PCLO: variants seen among roughly 807,000 people sequenced by gnomAD.
PCLO encodes protein piccolo.
PCLO carries 82 observed loss-of-function variants against 427.5 expected under a neutral mutation model. The ratio of observed to expected loss-of-function variants is 0.19; its 90% CI spans 0.16 to 0.23. The LOEUF is 0.23. Among genes scored for constraint, PCLO ranks in the 10% least tolerant of loss-of-function variants. PCLO has a pLI of 1.00. For missense variants in PCLO, 6,239 were observed against 6,115.9 expected, an observed-to-expected ratio of 1.02 and a Z score of -0.67; for synonymous variants, 2,357 against 2,155.4, an observed-to-expected ratio of 1.09 and a Z score of -2.59.
intron 20 of PCLO, among the ~76,000 whole-genome samples, chr7:82,807,470 G>C (rs1562794988): frequency 6.6e-6 from 1 of 151,966 alleles, no homozygotes; most frequent in South Asian, 2.1e-4. Context: ...TTCTTAATCT[G>C]GTGGAATTTT....
chr7:83,004,864 G>A (rs1362807356), intron 3 of PCLO, among the ~76,000 whole-genome samples: 1 of 151,480 alleles, frequency 6.6e-6, no homozygotes, highest in African/African-American at 2.4e-5. Context: ...ATGGGCAAAG[G>A]ACATGGATAG....
intron 6 of PCLO, among the ~76,000 whole-genome samples, chr7:82,928,331 T>C (rs1386406788): frequency 6.6e-6 from 1 of 152,202 alleles, no homozygotes. Context: ...ATAAATGATA[T>C]GAATTATATT....
chr7:82,924,934 A>T (rs1360572447), intron 6 of PCLO, among the ~76,000 whole-genome samples: 2 of 152,182 alleles, frequency 1.3e-5, no homozygotes, highest in African/African-American at 4.8e-5. Flanking sequence ...GATTAAAATG[A>T]TGAATAAGAC....
intron 4 of PCLO, among the ~76,000 whole-genome samples, chr7:82,959,042 T>C (rs1795597343): frequency 6.6e-6 from 1 of 152,168 alleles, no homozygotes; most frequent in South Asian, 2.1e-4. Context: ...CAAACTTTGA[T>C]AATGTCATGT....
At position 83,162,021 on chromosome 7, in the gene PCLO, G is replaced by T. The variant is rs185879403; in HGVS notation, c.248+324C>A. On this transcript the variant is annotated intron_variant, in intron 1 of 24. Transcript: ENST00000333891. ...CTAACACGTCCGTGTTGTATTAATGGAAGACTTCCAGATTAGTAAAACACT... is the reference window on the plus strand; with the variant it reads ...CTAACACGTCCGTGTTGTATTAATGTAAGACTTCCAGATTAGTAAAACACT... 1.5e-3 allele frequency among the ~76,000 whole-genome samples: 234 copies of T among 152,318 alleles called. 2 individuals are homozygous for T. The highest frequency in any genetic ancestry group is 5.4e-3 in the African/African-American group (223 of 41,572).
intron 3 of PCLO, among the ~76,000 whole-genome samples, chr7:82,993,702 A>T (rs1349158032): frequency 6.6e-6 from 1 of 152,092 alleles, no homozygotes; most frequent in African/African-American, 2.4e-5. Context: ...AAACAAAAAA[A>T]TTCATGTGAC....
chr7:82,822,832 C>A, intron 19 of PCLO, 143 bp from the exon 20 acceptor site: 1 of 713,176 alleles, frequency 1.4e-6, no homozygotes, highest in Non-Finnish European at 2.4e-6. Flanking sequence ...GGTCATCATA[C>A]AGAATGATGA....
intron 3 of PCLO, among the ~76,000 whole-genome samples, chr7:82,968,278 C>T (rs1795824425): frequency 6.6e-6 from 1 of 152,116 alleles, no homozygotes; most frequent in Non-Finnish European, 1.5e-5. Context: ...AATTTCATGT[C>T]TAAGGAGCTC....
At chr7:83,113,936 A>G (rs1791067557) in intron 3 of PCLO, among the ~76,000 whole-genome samples, 1 of 152,130 alleles carries the variant, frequency 6.6e-6, no homozygotes, top group Non-Finnish European at 1.5e-5. Flanking sequence ...TCATATATAA[A>G]AAAACTCATT....
At chr7:83,154,695 A>G (rs1012978434) in intron 2 of PCLO, 53 bp downstream of exon 2, 3 of 1,256,740 alleles carry the variant, frequency 2.4e-6, no homozygotes, top group Non-Finnish European at 3.5e-6. Flanking sequence ...CATCATTTGT[A>G]TAAGAGGATG....
intron 10 of PCLO, among the ~76,000 whole-genome samples, chr7:82,867,322 T>A (rs1004867960): frequency 2.6e-5 from 4 of 152,200 alleles, no homozygotes; most frequent in African/African-American, 9.6e-5. Flanking sequence ...ATGTTTCCTA[T>A]ATCTTATTCC....
chr7:82,835,680 C>T lies in PCLO; in HGVS notation c.14236G>A (p.Val4746Ile). The T allele has an allele frequency of 6.2e-7, 1 of 1,609,652 alleles. No individual in the cohort carries two copies. The highest frequency in any genetic ancestry group is 8.5e-7 in the Non-Finnish European group (1 of 1,177,640). ...LLPGRGQVMV[V>I]QNASAEYKRR... ...AAACAACTCTACCTTGCATTCTGGACAACCATGACTTGACTGCATTGATTC... is the reference window on the plus strand; with the variant it reads ...AAACAACTCTACCTTGCATTCTGGATAACCATGACTTGACTGCATTGATTC... The change falls in exon 16 of 25, where the codon GTC becomes ATC. Residue 4746 changes from valine (V) to isoleucine (I), a missense_variant. By Grantham distance (29) the Val-to-Ile change is conservative. Around this residue, in one of 5 missense-constraint regions of PCLO, gnomAD observed 877 missense variants for 925.5 expected, o/e 0.95. Coordinates refer to ENST00000333891, the MANE Select transcript of PCLO (RefSeq NM_033026.6).
At position 82,756,182 on chromosome 7, in the gene PCLO, G is replaced by A. The variant is rs1412468773; in HGVS notation, c.*2393C>T. On this transcript the variant is annotated 3_prime_UTR_variant, in exon 25 of 25. Coordinates refer to ENST00000333891, the MANE Select transcript of PCLO (RefSeq NM_033026.6). ...ATGGATATGAGTGGCTGCAAAAGAG[G>A]ATCAGAGATGAGTCAGGGTTTTCTT... The A allele has an allele frequency of 1.3e-5, 2 of 152,066 alleles. No homozygotes were observed. The highest frequency in any genetic ancestry group is 4.8e-5 in the African/African-American group (2 of 41,408). The allele number at this position is 152,066 out of a possible 1,614,324, so 9.4% of individuals were successfully genotyped here.
At chr7:82,993,357 A>C (rs1796421760) in intron 3 of PCLO, among the ~76,000 whole-genome samples, 2 of 152,058 alleles carry the variant, frequency 1.3e-5, no homozygotes, top group Non-Finnish European at 2.9e-5. Context: ...AATCTGCAAC[A>C]CAAGGAACTA....
rs543215150 is a variant in PCLO, at chr7:82,947,589, G to A, written c.11112+1887C>T. Among the ~76,000 whole-genome samples, 4 of 152,194 alleles carry A rather than the reference G, an allele frequency of 2.6e-5. No individual in the cohort carries two copies. The South Asian group carries it at 8.3e-4, about 32-fold the overall frequency. On this transcript the variant is annotated intron_variant, in intron 6 of 24. Coordinates refer to ENST00000333891, the MANE Select transcript of PCLO (RefSeq NM_033026.6). Reference sequence around the variant, plus strand: ...TGCCTGTGTATAAAATGATCTACCTGTGCATGTAATAAGACAATACCTTTG... The same window carrying A: ...TGCCTGTGTATAAAATGATCTACCTATGCATGTAATAAGACAATACCTTTG...
chr7:82,781,979 C>T (rs1790882434), intron 22 of PCLO, among the ~76,000 whole-genome samples: 1 of 152,170 alleles, frequency 6.6e-6, no homozygotes, highest in African/African-American at 2.4e-5. Context: ...TGATAGTAAA[C>T]CTGTAAACAT....
chr7:83,092,946 C>G (rs867270091), intron 3 of PCLO, among the ~76,000 whole-genome samples: 1 of 89,658 alleles, frequency 1.1e-5, no homozygotes, highest in African/African-American at 4.2e-5. Context: ...GACTCTGTCT[C>G]AAAAAAAAAA....
chr7:82,877,077 T>C (rs1164916697), intron 10 of PCLO, among the ~76,000 whole-genome samples: 2 of 152,190 alleles, frequency 1.3e-5, no homozygotes, highest in Non-Finnish European at 2.9e-5. Context: ...TTAGAGCTTG[T>C]AAAATCACAA....
chr7:83,146,660 G>T (rs946145523), intron 2 of PCLO, among the ~76,000 whole-genome samples: 1 of 149,920 alleles, frequency 6.7e-6, no homozygotes, highest in South Asian at 2.1e-4. Context: ...GCAGTGGCAC[G>T]ACCTAGGCTC....
Sources: allele counts gnomAD v4.1 joint callset (sites outside exome capture counted in the v4.1 genomes callset), GRCh38; gene constraint gnomAD v4.1.1; regional missense constraint gnomAD v4.1.1; transcripts MANE v1.5; gene names NCBI Gene and HGNC (gene_info 2026-07-23, HGNC 2026-07-21).